CIBAR1: variants seen among roughly 807,000 people sequenced by gnomAD.
CIBAR1 encodes CBY1-interacting BAR domain-containing protein 1.
Under a neutral mutation model 44.0 loss-of-function variants are expected in CIBAR1, and 25 were observed. The observed-to-expected ratio is 0.57, with a 90% CI of 0.41 to 0.79. CIBAR1 has a LOEUF of 0.79. Among genes scored for constraint, CIBAR1 ranks in the 30% least tolerant of loss-of-function variants. The pLI is 0.00. For missense variants in CIBAR1, 278 were observed against 344.8 expected (o/e 0.81, Z 1.53); for synonymous variants, 115 against 119.0 (o/e 0.97, Z 0.22).
At chr8:93,713,811 T>G (rs1810927340) in intron 6 of CIBAR1, among the ~76,000 whole-genome samples, 2 of 152,248 alleles carry the variant, frequency 1.3e-5, no homozygotes, top group East Asian at 1.9e-4. Context: ...CTGGGCTCCC[T>G]TTCCTTTTCA....
chr8:93,726,728 C>A, intron 8 of CIBAR1: 1 of 520,132 alleles, frequency 1.9e-6, no homozygotes. Context: ...CTCTCTAAAG[C>A]ATAACACTTG....
In CIBAR1 at chr8:93,700,692, C is replaced by A; in HGVS notation, c.26+19C>A. 1 of 1,498,396 alleles carries A rather than the reference C, an allele frequency of 6.7e-7. No individual in the cohort carries two copies. The allele number at this position is 1,498,396 out of a possible 1,614,324, so 92.8% of individuals were successfully genotyped here. ...AAAACCGGTAACAGCCCGAGCCCAGCTGCCCAGGGCCGCCCACACTGGAGG... is the reference window on the plus strand; with the variant it reads ...AAAACCGGTAACAGCCCGAGCCCAGATGCCCAGGGCCGCCCACACTGGAGG... On this transcript the variant is annotated intron_variant, in intron 1 of 8. Transcript: ENST00000518322.
At chr8:93,700,742 T>C (rs1168459252) in intron 1 of CIBAR1, 69 bp downstream of exon 1, 3 of 1,448,032 alleles carry the variant, frequency 2.1e-6, no homozygotes, top group Admixed American at 2.8e-5. Context: ...AGTGGAAGCC[T>C]CTGTCCATGG....
chr8:93,702,247 T>TG (rs1197783737), intron 2 of CIBAR1: 1 of 431,138 alleles, frequency 2.3e-6, no homozygotes, highest in Non-Finnish European at 4.6e-6. Context: ...CATACAAATT[T>TG]GAAGAGTAAT....
At chr8:93,702,174 C>A in intron 2 of CIBAR1, 1 of 387,680 alleles carries the variant, frequency 2.6e-6, no homozygotes, top group Non-Finnish European at 5.2e-6. Context: ...GAACCTAAAA[C>A]GGGAATTTCA....
At position 93,728,227 on chromosome 8, in the gene CIBAR1, A is replaced by C. The variant is rs533013204; in HGVS notation, c.800A>C (p.Lys267Thr). The change falls in exon 9 of 9, where the codon AAG (lysine) becomes ACG (threonine). Residue 267 changes from lysine (K) to threonine (T), a missense_variant. By Grantham distance (78) the Lys-to-Thr change is moderately conservative (BLOSUM62 -1). Coordinates refer to ENST00000518322, the MANE Select transcript of CIBAR1 (RefSeq NM_145269.5). The stretch of plus-strand genomic sequence containing the variant: ...CAGGTATCCACTTGTCGACTAAGAA[A>C]GGATCAACAAGCAGAAGATGATGAG... Reference protein sequence around the residue: ...TGQVSTCRLRKDQQAEDDEDD... With the variant: ...TGQVSTCRLRTDQQAEDDEDD... 2 of 1,593,348 alleles carry C rather than the reference A, an allele frequency of 1.3e-6. No individual in the cohort carries two copies. The highest frequency in any genetic ancestry group is 4.6e-5 in the East Asian group (2 of 43,876).
chr8:93,704,817 C>A lies in CIBAR1; in HGVS notation c.331-92C>A, dbSNP rs1225592870. ...ATCACACAAGAAGTATTCTTCCATT[C>A]TTAAAACAATTCTTAAAAGAATTCT... On this transcript the variant is annotated intron_variant, in intron 3 of 8. Transcript: ENST00000518322. 7.0e-6 allele frequency: 5 copies of A among 714,114 alleles called. No individual in the cohort carries two copies. In the East Asian group the frequency reaches 1.4e-4, roughly 20 times the overall value. 44.2% of individuals were successfully genotyped at this position (714,114 alleles called of 1,614,324 possible).
chr8:93,722,987 T>C (rs1811324186), intron 7 of CIBAR1, among the ~76,000 whole-genome samples: 1 of 152,182 alleles, frequency 6.6e-6, no homozygotes, highest in South Asian at 2.1e-4. Context: ...TCATTGCATT[T>C]ATTTTTTATT....
chr8:93,727,546 C>T (rs1192280076), intron 8 of CIBAR1, among the ~76,000 whole-genome samples: 3 of 152,122 alleles, frequency 2.0e-5, no homozygotes, highest in Admixed American at 1.3e-4. Flanking sequence ...AAGAAGGGGA[C>T]GGAATACTGT....
chr8:93,705,110 G>C, intron 4 of CIBAR1, 100 bp downstream of exon 4: 1 of 740,660 alleles, frequency 1.4e-6, no homozygotes, highest in South Asian at 1.8e-5. Context: ...AACGAGTAGA[G>C]AATTTGAATA....
In CIBAR1 at chr8:93,701,388, C is replaced by T; in HGVS notation, c.191C>T (p.Pro64Leu). The stretch of plus-strand genomic sequence containing the variant: ...AACGCGTATGCTGCTACAGAGACCC[C>T]GCATTTAAAGCTGGGCCTGATGAAC... Reference protein sequence around the residue: ...EINAYAATETPHLKLGLMNFA... With the variant: ...EINAYAATETLHLKLGLMNFA... Residue 64 changes from proline (P) to leucine (L), a missense_variant, in exon 2 of 9, where the codon CCG (proline) becomes CTG (leucine). Physicochemically the swap from Pro to Leu is moderately conservative, Grantham distance 98. Transcript: ENST00000518322. 2 of 1,613,700 alleles carry T rather than the reference C, an allele frequency of 1.2e-6. No individual in the cohort carries two copies. Among genetic ancestry groups the T allele is most frequent in the South Asian group, 1.1e-5 (1 of 91,052 alleles).
At chr8:93,712,004 A>T (rs1416099351) in intron 6 of CIBAR1, among the ~76,000 whole-genome samples, 1 of 152,188 alleles carries the variant, frequency 6.6e-6, no homozygotes, top group African/African-American at 2.4e-5. Context: ...GCTTTTCTCT[A>T]TTGTGCCCCC....
chr8:93,706,453 G>C (rs1810586791), intron 4 of CIBAR1, among the ~76,000 whole-genome samples: 1 of 152,184 alleles, frequency 6.6e-6, no homozygotes, highest in Non-Finnish European at 1.5e-5. Context: ...AATTAAGCTA[G>C]GGATGAAAAT....
chr8:93,707,965 T>C (rs1393900325), intron 4 of CIBAR1, 46 bp from the exon 5 acceptor site: 1 of 1,395,278 alleles, frequency 7.2e-7, no homozygotes, highest in Non-Finnish European at 9.7e-7. Flanking sequence ...GAAAAAGCTG[T>C]TATACTCTCT....
At chr8:93,725,932 T>C (rs185509467) in intron 7 of CIBAR1, 1 of 156,620 alleles carries the variant, frequency 6.4e-6, no homozygotes, top group East Asian at 1.9e-4. Context: ...TGACAAGTCA[T>C]GGCATTCCAG....
At chr8:93,718,618 TATATTC>T in intron 6 of CIBAR1, 51 bp from the exon 7 acceptor site, 1 of 979,696 alleles carries the variant, frequency 1.0e-6, no homozygotes, top group South Asian at 1.7e-5. Flanking sequence ...ATAAAGTTAC[TATATTC>T]ATAAAGAAAT....
chr8:93,727,881 C>T (rs758509980), intron 8 of CIBAR1, among the ~76,000 whole-genome samples: 4 of 152,124 alleles, frequency 2.6e-5, no homozygotes, highest in African/African-American at 4.8e-5. Flanking sequence ...TTTTATGATT[C>T]TCAAATGCTG....
chr8:93,704,188 A>C (rs530943281), intron 3 of CIBAR1, among the ~76,000 whole-genome samples: 1 of 152,224 alleles, frequency 6.6e-6, no homozygotes, highest in East Asian at 1.9e-4. Flanking sequence ...CTGTAGCAAT[A>C]TAGACATTAT....
At chr8:93,703,192 A>G (rs1330191363) in intron 2 of CIBAR1, among the ~76,000 whole-genome samples, 2 of 152,050 alleles carry the variant, frequency 1.3e-5, no homozygotes, top group African/African-American at 2.4e-5. Flanking sequence ...TTGCTTTTCA[A>G]GGTTATGTTG....
Sources: allele counts gnomAD v4.1 joint callset (sites outside exome capture counted in the v4.1 genomes callset), GRCh38; gene constraint gnomAD v4.1.1; transcripts MANE v1.5; gene names NCBI Gene and HGNC (gene_info 2026-07-23, HGNC 2026-07-21).